Variants in SCN8A observed in about 807,000 individuals in gnomAD.
The protein encoded by SCN8A is sodium voltage-gated channel alpha subunit 8.
SCN8A carries 30 observed loss-of-function variants against 184.1 expected under a neutral mutation model. The ratio of observed to expected loss-of-function variants is 0.16; its 90% CI spans 0.12 to 0.22. SCN8A has a LOEUF of 0.22. SCN8A is among the 10% of genes least tolerant of loss of function. The probability of loss-of-function intolerance (pLI) is 1.00; values close to 1 mark genes in which losing one functional copy is unlikely to be tolerated. For missense variants in SCN8A, 1,057 were observed against 2,498.9 expected (o/e 0.42, Z 12.30); for synonymous variants, 852 against 907.0 (o/e 0.94, Z 1.09).
At chr12:51,791,517 G>C (rs1486940748) in intron 25 of SCN8A, among the ~76,000 whole-genome samples, 1 of 152,182 alleles carries the variant, frequency 6.6e-6, no homozygotes, top group Non-Finnish European at 1.5e-5. Flanking sequence ...TCTCAAGAAA[G>C]AGAACATTTG....
intron 15 of SCN8A, among the ~76,000 whole-genome samples, chr12:51,764,136 G>A (rs1165788123): frequency 6.6e-6 from 1 of 152,142 alleles, no homozygotes; most frequent in Non-Finnish European, 1.5e-5. Context: ...TGGCCCAGAT[G>A]TCTGCATATA....
intron 6 of SCN8A, among the ~76,000 whole-genome samples, chr12:51,694,598 G>C (rs557637876): frequency 4.6e-5 from 7 of 152,142 alleles, no homozygotes; most frequent in African/African-American, 4.8e-5. Flanking sequence ...TTGCCCCCAC[G>C]TGGCTTCTGT....
chr12:51,775,185 G>C (rs1396730589), intron 20 of SCN8A, among the ~76,000 whole-genome samples: 1 of 152,228 alleles, frequency 6.6e-6, no homozygotes, highest in Non-Finnish European at 1.5e-5. Context: ...ACCAGGGCCT[G>C]TGGAAAATTT....
In SCN8A at chr12:51,624,438, C is replaced by T. The variant is rs1269738134; in HGVS notation, c.-55+33079C>T. ...TTGAGAAGTGTCTGTTCATATCCTT[C>T]GCCCACTTTTTGATGGGGTTGTTTG... On this transcript the variant is annotated intron_variant, in intron 1 of 26. Coordinates refer to ENST00000627620, the MANE Select transcript of SCN8A (RefSeq NM_001330260.2). 6.7e-3 allele frequency among the ~76,000 whole-genome samples: 1,009 copies of T among 150,850 alleles called. 12 individuals are homozygous for T. Among genetic ancestry groups the T allele is most frequent in the African/African-American group, 0.02 (842 of 41,156 alleles).
chr12:51,723,575 G>A (rs1459423234), intron 12 of SCN8A, among the ~76,000 whole-genome samples: 2 of 151,782 alleles, frequency 1.3e-5, no homozygotes, highest in Non-Finnish European at 2.9e-5. Flanking sequence ...TATTTAATTT[G>A]TCCTAAATAA....
chr12:51,718,350 G>A (rs923447146), intron 11 of SCN8A, among the ~76,000 whole-genome samples: 1 of 151,766 alleles, frequency 6.6e-6, no homozygotes, highest in African/African-American at 2.4e-5. Flanking sequence ...GCCAGGCATG[G>A]TGGCACATGC....
chr12:51,629,129 T>C (rs574300794), intron 1 of SCN8A, among the ~76,000 whole-genome samples: 1 of 152,282 alleles, frequency 6.6e-6, no homozygotes, highest in South Asian at 2.1e-4. Context: ...ATTCTAACAG[T>C]ACTTGAGAAA....
chr12:51,748,676 C>G (rs1330179609), intron 13 of SCN8A, among the ~76,000 whole-genome samples: 2 of 152,342 alleles, frequency 1.3e-5, no homozygotes, highest in East Asian at 3.9e-4. Context: ...CTAGAGGTAA[C>G]TGGCCATAGC....
intron 12 of SCN8A, among the ~76,000 whole-genome samples, chr12:51,741,699 T>C (rs944977087): frequency 6.6e-6 from 1 of 152,152 alleles, no homozygotes; most frequent in African/African-American, 2.4e-5. Context: ...AATCCATTAT[T>C]TTATTTTATT....
At chr12:51,657,951 TTTCTA>T (rs908084045) in intron 1 of SCN8A, among the ~76,000 whole-genome samples, 16 of 152,238 alleles carry the variant, frequency 1.1e-4, no homozygotes, top group South Asian at 4.1e-4. Flanking sequence ...AATTCTGTGT[TTTCTA>T]TTCTTTTCCA....
At chr12:51,634,147 G>T (rs1940261479) in intron 1 of SCN8A, among the ~76,000 whole-genome samples, 1 of 152,132 alleles carries the variant, frequency 6.6e-6, no homozygotes, top group Non-Finnish European at 1.5e-5. Context: ...TGTATCAAAA[G>T]AAATAAATGT....
At chr12:51,793,004 C>A (rs1403672348) in intron 25 of SCN8A, among the ~76,000 whole-genome samples, 2 of 152,054 alleles carry the variant, frequency 1.3e-5, no homozygotes, top group African/African-American at 4.8e-5. Context: ...AGGCCTCGGC[C>A]TCCCAAAGTG....
intron 23 of SCN8A, 61 bp downstream of exon 23, chr12:51,788,809 T>C: frequency 6.9e-7 from 1 of 1,448,880 alleles, no homozygotes; most frequent in Non-Finnish European, 9.5e-7. Context: ...AGCAGCATGG[T>C]ATACCGAGCC....
chr12:51,798,412 A>G (rs1369003064), intron 26 of SCN8A, among the ~76,000 whole-genome samples: 1 of 152,230 alleles, frequency 6.6e-6, no homozygotes, highest in East Asian at 1.9e-4. Flanking sequence ...TGGTGAGGAC[A>G]AACCGCTGCC....
chr12:51,612,309 A>T (rs570325867), intron 1 of SCN8A, among the ~76,000 whole-genome samples: 66 of 152,164 alleles, frequency 4.3e-4, no homozygotes, highest in Admixed American at 9.8e-4. Flanking sequence ...TCACAGGCAC[A>T]TGCCACCACA....
At chr12:51,692,799 G>T (rs1941533640) in intron 6 of SCN8A, among the ~76,000 whole-genome samples, 1 of 152,168 alleles carries the variant, frequency 6.6e-6, no homozygotes, top group Admixed American at 6.5e-5. Context: ...GAAAGGGTGG[G>T]AATCTCGAAA....
chr12:51,780,613 T>C (rs1937886991), intron 20 of SCN8A, 36 bp from the exon 21 acceptor site: 1 of 730,218 alleles, frequency 1.4e-6, no homozygotes. Flanking sequence ...TTGGTTACCT[T>C]TTTTGTTTTT....
chr12:51,729,565 C>G (rs1358648019), intron 12 of SCN8A, among the ~76,000 whole-genome samples: 1 of 151,966 alleles, frequency 6.6e-6, no homozygotes, highest in African/African-American at 2.4e-5. Flanking sequence ...ATTCATTCTC[C>G]TGTCGATAGA....
At chr12:51,781,796 A>G (rs1937932163) in intron 21 of SCN8A, among the ~76,000 whole-genome samples, 1 of 152,232 alleles carries the variant, frequency 6.6e-6, no homozygotes, top group Non-Finnish European at 1.5e-5. Flanking sequence ...TTCAATTCAG[A>G]TGTTGAATAC....
Sources: gnomAD v4.1 joint callset for allele counts (sites outside exome capture counted in the v4.1 genomes callset) on GRCh38, gnomAD v4.1.1 for gene constraint, MANE v1.5 for transcripts, NCBI Gene and HGNC (gene_info 2026-07-23, HGNC 2026-07-21) for gene names.